Variants in CPLX4 observed in about 807,000 individuals in gnomAD.
The protein encoded by CPLX4 is complexin 4.
CPLX4 carries 17 observed loss-of-function variants against 16.1 expected under a neutral mutation model. The ratio of observed to expected loss-of-function variants is 1.06; its 90% CI spans 0.72 to 1.59. CPLX4 has a LOEUF of 1.59. CPLX4 is among the 40% of genes most tolerant of loss of function. The probability of loss-of-function intolerance (pLI) is 0.00; values close to 1 mark genes in which losing one functional copy is unlikely to be tolerated. For missense variants in CPLX4, 193 were observed against 192.9 expected (o/e 1.00, Z 0.00); for synonymous variants, 55 against 57.8 (o/e 0.95, Z 0.22).
intron 1 of CPLX4, among the ~76,000 whole-genome samples, chr18:59,316,171 G>T (rs2144193986): frequency 6.6e-6 from 1 of 152,304 alleles, no homozygotes; most frequent in South Asian, 2.1e-4. Context: ...AATGGCGGGA[G>T]AAACAGACTA....
At chr18:59,307,934 TA>T (rs1404793053) in intron 2 of CPLX4, among the ~76,000 whole-genome samples, 1 of 136,990 alleles carries the variant, frequency 7.3e-6, no homozygotes, top group Admixed American at 7.2e-5. Context: ...TTTGCCCGGC[TA>T]ATTTTTTTTT....
At chr18:59,298,158 G>C (rs8089723) in intron 2 of CPLX4, among the ~76,000 whole-genome samples, 65,235 of 151,330 alleles carry the variant, frequency 0.43, 14,266 homozygotes, top group East Asian at 0.51. Context: ...GGTGCAATCT[G>C]GGCTCATTGC....
chr18:59,296,611 A>C lies in CPLX4; in HGVS notation c.*87T>G. The C allele has an allele frequency of 6.9e-7, 1 of 1,458,858 alleles. No individual in the cohort carries two copies. The highest frequency in any genetic ancestry group is 1.3e-5 in the South Asian group (1 of 79,382). The allele number at this position is 1,458,858 out of a possible 1,614,324, so 90.4% of individuals were successfully genotyped here. On this transcript the variant is annotated 3_prime_UTR_variant, in exon 3 of 3. Transcript: ENST00000299721. ...TGGTTTTCCTAACTGTGTTCACTAC[A>C]TTAAAACATGTACTGCTTGAAACGT... is the stretch of plus-strand genomic sequence containing the variant.
intron 2 of CPLX4, among the ~76,000 whole-genome samples, chr18:59,300,354 A>T (rs1334531335): frequency 6.6e-6 from 1 of 152,236 alleles, no homozygotes; most frequent in Non-Finnish European, 1.5e-5. Flanking sequence ...AAATATTTTT[A>T]AAAATTAAAA....
At chr18:59,299,356 G>A (rs781507829) in intron 2 of CPLX4, among the ~76,000 whole-genome samples, 17 of 152,122 alleles carry the variant, frequency 1.1e-4, no homozygotes, top group Non-Finnish European at 1.8e-4. Flanking sequence ...AGACATTCCC[G>A]GGAATTCTGG....
rs546923834 is a variant in CPLX4 at position 59,309,716 on chromosome 18, G to A, written c.255+2969C>T. Among the ~76,000 whole-genome samples, 6 of 151,550 alleles carry A rather than the reference G, an allele frequency of 4.0e-5. No homozygotes were observed. The South Asian group carries it at 1.0e-3, about 26-fold the overall frequency. ...TGGGCGCCTGTAGTCCCAGCTACTC[G>A]GGAGACTGAGGCAGGAGAATGGGGT... On this transcript the variant is annotated intron_variant, in intron 2 of 2. Transcript: ENST00000299721.
At chr18:59,307,181 A>G (rs536978239) in intron 2 of CPLX4, among the ~76,000 whole-genome samples, 2 of 152,316 alleles carry the variant, frequency 1.3e-5, no homozygotes, top group South Asian at 4.1e-4. Context: ...TTGAGTCTCC[A>G]TTTGTCACAG....
chr18:59,299,653 G>A lies in CPLX4; in HGVS notation c.256-2728C>T, dbSNP rs757217075. Among the ~76,000 whole-genome samples the A allele has an allele frequency of 2.4e-4, 36 of 152,316 alleles. 1 individual carries two copies. The Middle Eastern group carries it at 0.01, about 43-fold the overall frequency. ...TCCTTCAAGGGTGACTCTGAGGTTCGTTTTATCCTTGTGCTTCTTGCTCAG... is the reference window on the plus strand; with the variant it reads ...TCCTTCAAGGGTGACTCTGAGGTTCATTTTATCCTTGTGCTTCTTGCTCAG... On this transcript the variant is annotated intron_variant, in intron 2 of 2. Coordinates refer to ENST00000299721, the MANE Select transcript of CPLX4 (RefSeq NM_181654.4).
At chr18:59,301,429 T>C (rs1049200260) in intron 2 of CPLX4, among the ~76,000 whole-genome samples, 5 of 152,242 alleles carry the variant, frequency 3.3e-5, no homozygotes, top group African/African-American at 1.2e-4. Context: ...GCACTCACCA[T>C]TGATCTAGAA....
intron 2 of CPLX4, among the ~76,000 whole-genome samples, chr18:59,305,723 T>C (rs1435801322): frequency 1.3e-5 from 2 of 152,134 alleles, no homozygotes; most frequent in Non-Finnish European, 2.9e-5. Flanking sequence ...TTTCGGGAGA[T>C]GTGGTCTGGA....
intron 2 of CPLX4, among the ~76,000 whole-genome samples, chr18:59,311,481 G>T (rs2144189854): frequency 6.6e-6 from 1 of 152,056 alleles, no homozygotes; most frequent in Admixed American, 6.5e-5. Context: ...TCTAAAATCA[G>T]CTTTTTCTGG....
intron 2 of CPLX4, among the ~76,000 whole-genome samples, chr18:59,306,089 A>C (rs1435873374): frequency 6.6e-6 from 1 of 152,218 alleles, no homozygotes; most frequent in East Asian, 1.9e-4. Flanking sequence ...GAGCAGTGAG[A>C]ACTAGTCATT....
intron 2 of CPLX4, among the ~76,000 whole-genome samples, chr18:59,309,171 TG>T (rs1268743519): frequency 6.6e-6 from 1 of 152,262 alleles, no homozygotes; most frequent in African/African-American, 2.4e-5. Context: ...AGAATTTCCA[TG>T]TGCTTTACAA....
At chr18:59,310,250 G>A (rs1312180303) in intron 2 of CPLX4, among the ~76,000 whole-genome samples, 2 of 152,162 alleles carry the variant, frequency 1.3e-5, no homozygotes, top group African/African-American at 4.8e-5. Context: ...GCTTTAGAGA[G>A]CAGTAGCCTA....
intron 2 of CPLX4, among the ~76,000 whole-genome samples, chr18:59,309,561 C>T (rs1057337672): frequency 3.3e-5 from 5 of 152,116 alleles, no homozygotes; most frequent in African/African-American, 1.2e-4. Flanking sequence ...CAGTGGCTCA[C>T]GCCTATAATC....
chr18:59,316,468 A>G (rs1417101763), intron 1 of CPLX4, among the ~76,000 whole-genome samples: 1 of 152,148 alleles, frequency 6.6e-6, no homozygotes, highest in Admixed American at 6.5e-5. Flanking sequence ...CTCTGCGTTT[A>G]TCTTGTGATG....
rs2070494242 is a variant in CPLX4 at position 59,295,639 on chromosome 18, G to A, written c.*1059C>T. ...TAGCTAAATAGCTCGAAGTGTTTCAGTGGTAATTGTCCTAAGTCTTTTGAA... is the reference window on the plus strand; with the variant it reads ...TAGCTAAATAGCTCGAAGTGTTTCAATGGTAATTGTCCTAAGTCTTTTGAA... On this transcript the variant is annotated 3_prime_UTR_variant, in exon 3 of 3. Transcript: ENST00000299721. 1 of 151,976 alleles carries A rather than the reference G, an allele frequency of 6.6e-6. No homozygotes were observed. Among genetic ancestry groups the A allele is most frequent in the South Asian group, 2.1e-4 (1 of 4,828 alleles). The allele number at this position is 151,976 out of a possible 1,614,324, so 9.4% of individuals were successfully genotyped here.
intron 2 of CPLX4, among the ~76,000 whole-genome samples, chr18:59,310,707 T>A (rs538968516): frequency 6.6e-6 from 1 of 152,128 alleles, no homozygotes; most frequent in Non-Finnish European, 1.5e-5. Flanking sequence ...CAGACAAAGA[T>A]CCTATGAAGT....
chr18:59,308,927 C>A (rs117625572), intron 2 of CPLX4, among the ~76,000 whole-genome samples: 1 of 152,190 alleles, frequency 6.6e-6, no homozygotes, highest in Non-Finnish European at 1.5e-5. Context: ...GCAGAGGAGG[C>A]GCCCAAGGGT....
Sources: gnomAD v4.1 joint callset for allele counts (sites outside exome capture counted in the v4.1 genomes callset) on GRCh38, gnomAD v4.1.1 for gene constraint, MANE v1.5 for transcripts, NCBI Gene and HGNC (gene_info 2026-07-23, HGNC 2026-07-21) for gene names.